The following COG7 variants were observed in gnomAD, a reference collection of about 807,000 sequenced individuals.
The protein encoded by COG7 is conserved oligomeric Golgi complex subunit 7.
COG7 carries 49 observed loss-of-function variants against 91.5 expected under a neutral mutation model. That is an observed-to-expected ratio of 0.54 (90% CI 0.43 to 0.68). The LOEUF (loss-of-function observed/expected upper bound fraction) is 0.68, where lower values mean the gene tolerates loss of function less well. COG7 is among the 30% of genes least tolerant of loss of function. The pLI is 0.00. For synonymous variants in COG7, 365 were observed against 388.7 expected (o/e 0.94, Z 0.72); for missense variants, 895 against 961.3 (o/e 0.93, Z 0.91).
intron 7 of COG7, among the ~76,000 whole-genome samples, chr16:23,419,467 G>T (rs1291077590): frequency 6.6e-6 from 1 of 151,170 alleles, no homozygotes; most frequent in Non-Finnish European, 1.5e-5. Flanking sequence ...TTGCCACAGA[G>T]GCTGGGCTCG....
chr16:23,416,687 TTC>T, intron 9 of COG7: 1 of 480,340 alleles, frequency 2.1e-6, no homozygotes, highest in South Asian at 2.3e-5. Context: ...TGTCTAAGGT[TTC>T]TTTTTTTTTC....
chr16:23,403,844 G>C lies in COG7; in HGVS notation c.1663-10C>G. 1.2e-6 allele frequency: 2 copies of C among 1,614,188 alleles called. No homozygotes were observed. The highest frequency in any genetic ancestry group is 1.7e-6 in the Non-Finnish European group (2 of 1,180,042). On this transcript the variant is annotated splice_polypyrimidine_tract_variant and intron_variant, in intron 12 of 16. Transcript: ENST00000307149. ...TGCTTGACCCTTTTTCCTAAGACAA[G>C]AAAATGCAAAAGGCAGTTGTTAGGC...
intron 1 of COG7, chr16:23,446,359 G>A (rs946773926): frequency 4.9e-5 from 14 of 285,810 alleles, no homozygotes; most frequent in African/African-American, 3.1e-4. Context: ...AGAAAACTCA[G>A]AGAGGTTAAA....
At chr16:23,431,188 T>C (rs1301454935) in intron 6 of COG7, among the ~76,000 whole-genome samples, 1 of 152,110 alleles carries the variant, frequency 6.6e-6, no homozygotes, top group Non-Finnish European at 1.5e-5. Context: ...CCTCAACATT[T>C]TTATATATTG....
At chr16:23,422,860 T>C (rs1452010481) in intron 7 of COG7, among the ~76,000 whole-genome samples, 1 of 151,780 alleles carries the variant, frequency 6.6e-6, no homozygotes, top group Non-Finnish European at 1.5e-5. Flanking sequence ...CTGGCCAACA[T>C]GGTGAAACCT....
intron 16 of COG7, among the ~76,000 whole-genome samples, chr16:23,390,839 G>T (rs1176612810): frequency 6.6e-6 from 1 of 152,256 alleles, no homozygotes; most frequent in Non-Finnish European, 1.5e-5. Context: ...CAGCAAAGGT[G>T]CCGCCAGGCA....
intron 12 of COG7, 90 bp from the exon 13 acceptor site, chr16:23,403,924 A>G: frequency 6.6e-7 from 1 of 1,504,732 alleles, no homozygotes; most frequent in Non-Finnish European, 9.1e-7. Context: ...TCACAGGAGA[A>G]CTGGGGGTTC....
chr16:23,405,424 C>T (rs1011224535), intron 12 of COG7, among the ~76,000 whole-genome samples: 3 of 152,142 alleles, frequency 2.0e-5, no homozygotes. Context: ...CAGGGGCTGT[C>T]CAGCTCTGTC....
At position 23,452,678 on chromosome 16, in the gene COG7, T is replaced by G. The variant is rs572990655; in HGVS notation, c.169+148A>C. 3 of 1,444,890 alleles carry G rather than the reference T, an allele frequency of 2.1e-6. No individual in the cohort carries two copies. In the African/African-American group the frequency reaches 4.3e-5, roughly 20 times the overall value. 89.5% of individuals were successfully genotyped at this position (1,444,890 alleles called of 1,614,324 possible). A position where few individuals can be genotyped will look rare whatever the true frequency, so the allele number is the denominator to read the frequency against. On this transcript the variant is annotated intron_variant, in intron 1 of 16. Coordinates refer to ENST00000307149, the MANE Select transcript of COG7 (RefSeq NM_153603.4). ...CACCCAGCTGAGACTCCCGCTGACG[T>G]GATCAGGAGTTCGGGGCTTGCTCTT...
At chr16:23,392,836 CA>C (rs1332699774) in intron 15 of COG7, among the ~76,000 whole-genome samples, 3 of 152,166 alleles carry the variant, frequency 2.0e-5, no homozygotes, top group African/African-American at 7.2e-5. Flanking sequence ...GAGGCTGAGG[CA>C]GGAGAATTGC....
In COG7 at chr16:23,399,379, C is replaced by A. The variant is rs372466932; in HGVS notation, c.1804-1250G>T. ...TTTTTCCAGCTAACTCCCAATCCAG[C>A]GAGAAGGAACACGCCAACCATCCAC... On this transcript the variant is annotated intron_variant, in intron 13 of 16. Transcript: ENST00000307149. Among the ~76,000 whole-genome samples, 82 of 152,262 alleles carry A rather than the reference C, an allele frequency of 5.4e-4. 1 individual carries two copies. In the South Asian group the frequency reaches 0.016, roughly 29 times the overall value.
Position 23,434,665 on chromosome 16 carries a change from G to A in COG7, c.658C>T (p.Leu220Phe). 6.2e-7 allele frequency: 1 copy of A among 1,613,850 alleles called. No homozygotes were observed. Among genetic ancestry groups the A allele is most frequent in the Admixed American group, 1.7e-5 (1 of 60,026 alleles). ...VFTEIDRMPQ[L>F]LAYYYKCHKV... ...TGACACTTGTAGTAGTAGGCCAGGAGCTGGGGCATCCGGTCAATTTCAGTA... is the reference window on the plus strand; with the variant it reads ...TGACACTTGTAGTAGTAGGCCAGGAACTGGGGCATCCGGTCAATTTCAGTA... The change falls in exon 5 of 17, where the codon CTC becomes TTC. Residue 220 changes from leucine (L) to phenylalanine (F), a missense_variant. Coordinates refer to ENST00000307149, the MANE Select transcript of COG7 (RefSeq NM_153603.4).
chr16:23,426,470 TG>T (rs1963847154), intron 6 of COG7, among the ~76,000 whole-genome samples: 1 of 152,198 alleles, frequency 6.6e-6, no homozygotes, highest in Non-Finnish European at 1.5e-5. Context: ...GAGGATCACT[TG>T]AAGTTAGGAA....
At chr16:23,392,657 C>T in intron 15 of COG7, 134 bp from the exon 16 acceptor site, 4 of 1,026,868 alleles carry the variant, frequency 3.9e-6, no homozygotes, top group Non-Finnish European at 6.0e-6. Flanking sequence ...GGGCCAGGTG[C>T]AGTGGCTCAT....
chr16:23,443,088 A>C lies in COG7; in HGVS notation c.436-443T>G, dbSNP rs1027558299. ...TAAATGCAAATTAAATTAAAACAAT[A>C]AAGTGTCATTTTCCTCCTAACAAAT... On this transcript the variant is annotated intron_variant, in intron 3 of 16. Coordinates refer to ENST00000307149, the MANE Select transcript of COG7 (RefSeq NM_153603.4). Among the ~76,000 whole-genome samples, 6 of 152,264 alleles carry C rather than the reference A, an allele frequency of 3.9e-5. No homozygotes were observed. In the East Asian group the frequency reaches 7.7e-4, roughly 20 times the overall value.
rs565814906 is a variant in COG7, at chr16:23,419,524, G to A, written c.1010-697C>T. 7.7e-4 allele frequency among the ~76,000 whole-genome samples: 117 copies of A among 151,490 alleles called. 1 individual carries two copies. The highest frequency in any genetic ancestry group is 2.3e-3 in the African/African-American group (95 of 41,260). ...AGCACTTTGGGAAGCGGAGGTGGGC[G>A]TATCACCTGAGGTCAGGAGTTTGAG... On this transcript the variant is annotated intron_variant, in intron 7 of 16. Coordinates refer to ENST00000307149, the MANE Select transcript of COG7 (RefSeq NM_153603.4).
At chr16:23,426,894 G>A (rs1963857790) in intron 6 of COG7, among the ~76,000 whole-genome samples, 1 of 151,158 alleles carries the variant, frequency 6.6e-6, no homozygotes, top group South Asian at 2.1e-4. Flanking sequence ...AGTTATCTCT[G>A]TTCACAGATG....
intron 4 of COG7, among the ~76,000 whole-genome samples, chr16:23,441,085 G>C (rs927252218): frequency 2.6e-5 from 4 of 152,134 alleles, no homozygotes; most frequent in Non-Finnish European, 4.4e-5. Context: ...AATTTTTAAG[G>C]AAGGTGATTT....
At chr16:23,392,654 G>T (rs1596904593) in intron 15 of COG7, 131 bp from the exon 16 acceptor site, 1 of 1,044,594 alleles carries the variant, frequency 9.6e-7, no homozygotes. Flanking sequence ...TTAGGGCCAG[G>T]TGCAGTGGCT....
Sources: allele counts gnomAD v4.1 joint callset (sites outside exome capture counted in the v4.1 genomes callset), GRCh38; gene constraint gnomAD v4.1.1; transcripts MANE v1.5; gene names NCBI Gene and HGNC (gene_info 2026-07-23, HGNC 2026-07-21).